Variants in N4BP1 observed in about 807,000 individuals in gnomAD.
N4BP1 encodes the protein NEDD4-binding protein 1.
A neutral mutation model predicts 70.9 loss-of-function variants in N4BP1; 21 were observed. The ratio of observed to expected loss-of-function variants is 0.30; its 90% CI spans 0.21 to 0.43. The LOEUF (loss-of-function observed/expected upper bound fraction) is 0.43, where lower values mean the gene tolerates loss of function less well. Among genes scored for constraint, N4BP1 ranks in the 20% least tolerant of loss-of-function variants. The probability of loss-of-function intolerance (pLI) is 1.00; values close to 1 mark genes in which losing one functional copy is unlikely to be tolerated. For missense variants in N4BP1, 936 were observed against 1,069.4 expected, an observed-to-expected ratio of 0.88 and a Z score of 1.74; for synonymous variants, 387 against 394.6, an observed-to-expected ratio of 0.98 and a Z score of 0.23.
At chr16:48,600,390 G>A in intron 1 of N4BP1, 1 of 716,434 alleles carries the variant, frequency 1.4e-6, no homozygotes. Context: ...ACATAGAAAT[G>A]AAACCATCAA....
intron 1 of N4BP1, among the ~76,000 whole-genome samples, chr16:48,567,302 A>G (rs1291197550): frequency 6.6e-6 from 1 of 152,136 alleles, no homozygotes; most frequent in Non-Finnish European, 1.5e-5. Flanking sequence ...CACTTAGTAT[A>G]ATAATTTACC....
Position 48,586,932 on chromosome 16 carries a change from T to C in N4BP1, c.198+22843A>G, listed in dbSNP as rs573244248. Among the ~76,000 whole-genome samples, 8 of 152,284 alleles carry C rather than the reference T, an allele frequency of 5.3e-5. No individual in the cohort carries two copies. The South Asian group carries it at 1.7e-3, about 32-fold the overall frequency. On this transcript the variant is annotated intron_variant, in intron 1 of 6. Coordinates refer to ENST00000262384, the MANE Select transcript of N4BP1 (RefSeq NM_153029.4). ...ATGGAAGGCCTTAGCGCCTTGTCAA[T>C]GCCCACAATATGTTCTTAGCTTTCA... is the stretch of plus-strand genomic sequence containing the variant.
intron 1 of N4BP1, among the ~76,000 whole-genome samples, chr16:48,576,483 C>T (rs930440929): frequency 2.6e-5 from 4 of 152,196 alleles, no homozygotes; most frequent in African/African-American, 9.7e-5. Context: ...GACGCTATCC[C>T]TACTACATCT....
intron 1 of N4BP1, among the ~76,000 whole-genome samples, chr16:48,609,213 T>C (rs560611046): frequency 1.3e-5 from 2 of 152,240 alleles, no homozygotes; most frequent in East Asian, 3.9e-4. Context: ...TGAGACCCTG[T>C]CTCAAATAGA....
intron 1 of N4BP1, chr16:48,600,516 A>G: frequency 1.7e-6 from 1 of 593,750 alleles, no homozygotes. Flanking sequence ...TAAGAGCTAC[A>G]GAAAGTTCAG....
chr16:48,549,849 C>T (rs1329573439), intron 4 of N4BP1, among the ~76,000 whole-genome samples: 2 of 152,160 alleles, frequency 1.3e-5, no homozygotes, highest in Non-Finnish European at 2.9e-5. Flanking sequence ...TAAACACTAT[C>T]TTCAATGGAG....
intron 4 of N4BP1, among the ~76,000 whole-genome samples, chr16:48,548,999 A>C (rs1358033972): frequency 2.0e-5 from 3 of 152,226 alleles, no homozygotes; most frequent in African/African-American, 4.8e-5. Context: ...GCAGTAAAGA[A>C]GACTTCCATT....
intron 1 of N4BP1, among the ~76,000 whole-genome samples, chr16:48,606,503 C>G (rs1567449172): frequency 6.6e-6 from 1 of 152,244 alleles, no homozygotes; most frequent in African/African-American, 2.4e-5. Flanking sequence ...CCACAACCAC[C>G]TCTGTCTGGA....
At chr16:48,572,341 A>G (rs1389168955) in intron 1 of N4BP1, among the ~76,000 whole-genome samples, 1 of 152,226 alleles carries the variant, frequency 6.6e-6, no homozygotes, top group South Asian at 2.1e-4. Flanking sequence ...CACAAGAAAA[A>G]TCCTGGGAGC....
At chr16:48,560,518 A>G in intron 2 of N4BP1, 2 of 461,164 alleles carry the variant, frequency 4.3e-6, no homozygotes, top group South Asian at 3.8e-5. Flanking sequence ...ATAATTTTCT[A>G]TCCTCTCTTG....
intron 2 of N4BP1, among the ~76,000 whole-genome samples, chr16:48,560,000 C>T (rs547838668): frequency 5.9e-5 from 9 of 152,168 alleles, no homozygotes; most frequent in African/African-American, 2.2e-4. Flanking sequence ...ACTGAAACTC[C>T]GAACAGTTAA....
chr16:48,564,213 C>G (rs1181207535), intron 1 of N4BP1, among the ~76,000 whole-genome samples: 1 of 152,120 alleles, frequency 6.6e-6, no homozygotes, highest in African/African-American at 2.4e-5. Flanking sequence ...TTTGTGACAG[C>G]AAGTTTTTAC....
At chr16:48,544,889 G>T (rs1963566257) in intron 6 of N4BP1, among the ~76,000 whole-genome samples, 1 of 152,180 alleles carries the variant, frequency 6.6e-6, no homozygotes, top group Non-Finnish European at 1.5e-5. Context: ...GATTCAGAGG[G>T]AGAGCTCTCA....
rs768925721 is a variant in N4BP1 at position 48,546,243 on chromosome 16, T to C, written c.2237A>G (p.Tyr746Cys). Residue 746 changes from tyrosine (Y) to cysteine (C), a missense_variant, in exon 6 of 7, where the codon TAC (tyrosine) becomes TGC (cysteine). Around this residue, in one of 4 missense-constraint regions of N4BP1, gnomAD observed 229 missense variants for 343.5 expected, o/e 0.67. Coordinates refer to ENST00000262384, the MANE Select transcript of N4BP1 (RefSeq NM_153029.4). ...REIITKRLLQ[Y>C]TFVGDIFMVP... ...CATAAATATGTCCCCCACGAACGTG[T>C]ACTGCAGCAGCCTACAACACAGAAC... The C allele has an allele frequency of 6.2e-7, 1 of 1,609,958 alleles. No individual in the cohort carries two copies. Among genetic ancestry groups the C allele is most frequent in the Non-Finnish European group, 8.5e-7 (1 of 1,178,224 alleles).
chr16:48,553,765 C>G (rs1041104603), intron 2 of N4BP1, 96 bp from the exon 3 acceptor site: 1 of 1,045,318 alleles, frequency 9.6e-7, no homozygotes, highest in Admixed American at 3.6e-5. Flanking sequence ...ATACAACAAA[C>G]AGTAAGAACA....
At chr16:48,607,126 T>C (rs1964594753) in intron 1 of N4BP1, among the ~76,000 whole-genome samples, 4 of 151,940 alleles carry the variant, frequency 2.6e-5, no homozygotes, top group Admixed American at 2.6e-4. Context: ...GTAATACATA[T>C]CACAAAGATC....
Position 48,547,991 on chromosome 16 carries a change from A to C in N4BP1, c.2225+16T>G. ...AACAAAACTTTTCTGACCAAAGACA[A>C]AGAAGAAAATATTACCTTTTTGTAA... On this transcript the variant is annotated intron_variant, in intron 5 of 6. Coordinates refer to ENST00000262384, the MANE Select transcript of N4BP1 (RefSeq NM_153029.4). The C allele has an allele frequency of 6.8e-7, 1 of 1,466,496 alleles. No individual in the cohort carries two copies. Among genetic ancestry groups the C allele is most frequent in the Non-Finnish European group, 9.5e-7 (1 of 1,053,504 alleles). 90.8% of individuals were successfully genotyped at this position (1,466,496 alleles called of 1,614,324 possible).
chr16:48,546,311 C>T (rs1597089864), intron 5 of N4BP1, 57 bp from the exon 6 acceptor site: 19 of 1,252,748 alleles, frequency 1.5e-5, no homozygotes, highest in East Asian at 5.2e-5. Flanking sequence ...CCAGGGCCTG[C>T]GTAAGGATCC....
intron 1 of N4BP1, among the ~76,000 whole-genome samples, chr16:48,579,822 T>C (rs990151743): frequency 2.0e-5 from 3 of 152,154 alleles, no homozygotes; most frequent in Non-Finnish European, 2.9e-5. Context: ...GCTATACTTA[T>C]ATCAGATAAA....
Sources: gnomAD v4.1 joint callset for allele counts (sites outside exome capture counted in the v4.1 genomes callset) on GRCh38, gnomAD v4.1.1 for gene constraint, gnomAD v4.1.1 regional missense constraint, MANE v1.5 for transcripts, NCBI Gene and HGNC (gene_info 2026-07-23, HGNC 2026-07-21) for gene names.